PTPRJ: variants seen among roughly 807,000 people sequenced by gnomAD.
PTPRJ encodes the protein receptor-type tyrosine-protein phosphatase eta.
In PTPRJ, 129 loss-of-function variants were observed where a neutral mutation model predicts 141.3. That is an observed-to-expected ratio of 0.91 (90% CI 0.79 to 1.06). The LOEUF is 1.06. Among genes scored for constraint, PTPRJ ranks in the 50% least tolerant of loss-of-function variants. The pLI is 0.00. For synonymous variants in PTPRJ, 610 were observed against 640.5 expected, an observed-to-expected ratio of 0.95 and a Z score of 0.72; for missense variants, 1,601 against 1,679.7, an observed-to-expected ratio of 0.95 and a Z score of 0.82.
Position 48,139,485 on chromosome 11 carries a change from G to T in PTPRJ, c.2153-1G>T. On this transcript the variant is annotated splice_acceptor_variant, in intron 10 of 24. Transcript: ENST00000418331. LOFTEE classifies it high-confidence loss of function. ...CATGCTGTGCTGTACTTGCTTTGCA[G>T]ATCCTGCGTCCATGGCCTCCTTCGA... The T allele has an allele frequency of 1.2e-6, 2 of 1,613,026 alleles. No homozygotes were observed. The highest frequency in any genetic ancestry group is 1.7e-6 in the Non-Finnish European group (2 of 1,179,018).
chr11:48,097,384 T>C (rs1204678954), intron 1 of PTPRJ, among the ~76,000 whole-genome samples: 1 of 152,224 alleles, frequency 6.6e-6, no homozygotes, highest in African/African-American at 2.4e-5. Flanking sequence ...CCTGCTTTTG[T>C]GACTCACCCT....
In PTPRJ at chr11:48,130,549, A is replaced by G; in HGVS notation, c.1448A>G (p.Gln483Arg). The G allele has an allele frequency of 6.2e-7, 1 of 1,614,186 alleles. No homozygotes were observed. The highest frequency in any genetic ancestry group is 8.5e-7 in the Non-Finnish European group (1 of 1,180,036). The change falls in exon 8 of 25, where the codon CAG (glutamine) becomes CGG (arginine). Residue 483 changes from glutamine to arginine, a missense_variant. Transcript: ENST00000418331. ...AWSSHDAESFQMHITQEGAGN... is the reference protein window; with the variant it reads ...AWSSHDAESFRMHITQEGAGN... ...AGCAGCCATGATGCAGAATCATTTC[A>G]GATGCATATCACACAGGAGGGAGCT...
intron 1 of PTPRJ, among the ~76,000 whole-genome samples, chr11:47,989,971 G>A (rs1440239227): frequency 6.6e-6 from 1 of 152,170 alleles, no homozygotes; most frequent in Non-Finnish European, 1.5e-5. Flanking sequence ...GGTAGTTGGA[G>A]AAGCTAAGTG....
Position 48,167,423 on chromosome 11 carries a change from G to T in PTPRJ, c.*61G>T. ...CGTCGCACCCACAGCGAAGGCACAT[G>T]CCCCGATGTCGACATGTTTTTATAT... On this transcript the variant is annotated 3_prime_UTR_variant, in exon 25 of 25. Transcript: ENST00000418331. 6.6e-7 allele frequency: 1 copy of T among 1,526,140 alleles called. No individual in the cohort carries two copies. Among genetic ancestry groups the T allele is most frequent in the Non-Finnish European group, 9.0e-7 (1 of 1,116,170 alleles). 94.5% of individuals were successfully genotyped at this position (1,526,140 alleles called of 1,614,324 possible).
chr11:48,130,649 C>T lies in PTPRJ; in HGVS notation c.1548C>T (p.Cys516=), dbSNP rs1407277121. The part of the protein sequence containing the change: ...IGGLFPGTKY[C]FEIVPKGPNG... ...GCTTGTTCCCTGGAACCAAGTATTG[C>T]TTTGAAATAGTTCCAAAAGGACCAA... is the stretch of plus-strand genomic sequence containing the variant. The change falls in exon 8 of 25, where the codon TGC becomes TGT. Residue 516 remains cysteine, a synonymous_variant. Coordinates refer to ENST00000418331, the MANE Select transcript of PTPRJ (RefSeq NM_002843.4). The T allele has an allele frequency of 1.2e-6, 2 of 1,613,948 alleles. No individual in the cohort carries two copies. The highest frequency in any genetic ancestry group is 1.3e-5 in the African/African-American group (1 of 75,002).
At chr11:48,018,281 G>C (rs1227859919) in intron 1 of PTPRJ, among the ~76,000 whole-genome samples, 3 of 151,272 alleles carry the variant, frequency 2.0e-5, no homozygotes, top group African/African-American at 7.3e-5. Flanking sequence ...CCAATTTGTG[G>C]AGAGTCCATT....
At chr11:48,103,178 T>C (rs1232326382) in intron 1 of PTPRJ, among the ~76,000 whole-genome samples, 1 of 152,184 alleles carries the variant, frequency 6.6e-6, no homozygotes, top group Non-Finnish European at 1.5e-5. Flanking sequence ...GAGCAGTTGC[T>C]CAGGATGGAG....
intron 1 of PTPRJ, among the ~76,000 whole-genome samples, chr11:48,093,299 G>A (rs73466862): frequency 0.013 from 1,981 of 152,332 alleles, 47 homozygotes; most frequent in African/African-American, 0.045. Flanking sequence ...TAAGATGAGA[G>A]TGTAAGTGAG....
At chr11:48,040,600 C>A (rs1854248902) in intron 1 of PTPRJ, among the ~76,000 whole-genome samples, 1 of 146,780 alleles carries the variant, frequency 6.8e-6, no homozygotes, top group African/African-American at 2.7e-5. Flanking sequence ...TTTCTTTCTT[C>A]TTCTTCTTCT....
chr11:48,050,179 G>A (rs1367876497), intron 1 of PTPRJ, among the ~76,000 whole-genome samples: 1 of 152,170 alleles, frequency 6.6e-6, no homozygotes, highest in Non-Finnish European at 1.5e-5. Context: ...GACTGTATGA[G>A]TTTGTTTTTT....
intron 1 of PTPRJ, among the ~76,000 whole-genome samples, chr11:48,050,961 G>A (rs1854550198): frequency 6.6e-6 from 1 of 151,896 alleles, no homozygotes; most frequent in African/African-American, 2.4e-5. Flanking sequence ...CTAGGAAATA[G>A]CTCACTTGCC....
At chr11:48,065,794 CAGAG>C (rs1215638074) in intron 1 of PTPRJ, among the ~76,000 whole-genome samples, 1 of 152,148 alleles carries the variant, frequency 6.6e-6, no homozygotes, top group Non-Finnish European at 1.5e-5. Context: ...GAGAAGAAGG[CAGAG>C]AGAAGTGGAA....
intron 3 of PTPRJ, 79 bp downstream of exon 3, chr11:48,113,062 T>G (rs1816642240): frequency 5.7e-6 from 7 of 1,234,926 alleles, no homozygotes; most frequent in Non-Finnish European, 6.8e-6. Flanking sequence ...TTCCAAATAC[T>G]GTTCTTCTTT....
intron 1 of PTPRJ, among the ~76,000 whole-genome samples, chr11:48,045,927 A>G (rs1413517144): frequency 1.3e-5 from 2 of 152,156 alleles, no homozygotes; most frequent in Non-Finnish European, 2.9e-5. Context: ...TGAAATGGTT[A>G]TTGCAACCAT....
intron 6 of PTPRJ, among the ~76,000 whole-genome samples, chr11:48,126,305 G>A (rs1478217358): frequency 1.3e-5 from 2 of 151,956 alleles, no homozygotes; most frequent in African/African-American, 2.4e-5. Flanking sequence ...TCTTGGTGGT[G>A]TGAATTCACA....
In PTPRJ at chr11:48,158,323, A is replaced by G. The variant is rs1857664007; in HGVS notation, c.3439-1607A>G. Among the ~76,000 whole-genome samples, 1 of 152,232 alleles carries G rather than the reference A, an allele frequency of 6.6e-6. No individual in the cohort carries two copies. The highest frequency in any genetic ancestry group is 2.4e-5 in the African/African-American group (1 of 41,456). ...AATTTAAATGGTCTTTTGTTCATCT[A>G]AAATCAAGATTGAAGTTAGTCTTAG... On this transcript the variant is annotated intron_variant, in intron 21 of 24. Transcript: ENST00000418331. This position sits in a 1 kb window ranked among gnomAD's most constrained non-coding sequence, Gnocchi z 4.4.
At chr11:48,124,518 A>C (rs1221417916) in intron 5 of PTPRJ, among the ~76,000 whole-genome samples, 2 of 152,110 alleles carry the variant, frequency 1.3e-5, no homozygotes, top group Admixed American at 6.5e-5. Flanking sequence ...CCCTCTGCAC[A>C]CTTAAGGAGC....
intron 14 of PTPRJ, among the ~76,000 whole-genome samples, chr11:48,145,597 C>T (rs1286700563): frequency 8.5e-6 from 1 of 118,200 alleles, no homozygotes; most frequent in Non-Finnish European, 1.7e-5. Flanking sequence ...CTTGCTCTGT[C>T]ACCCAGGCTG....
chr11:48,155,799 A>C lies in PTPRJ; in HGVS notation c.3230-2A>C. The C allele has an allele frequency of 1.3e-6, 2 of 1,589,844 alleles. No individual in the cohort carries two copies. The highest frequency in any genetic ancestry group is 1.7e-6 in the Non-Finnish European group (2 of 1,160,284). On this transcript the variant is annotated splice_acceptor_variant, in intron 19 of 24. Transcript: ENST00000418331. LOFTEE classifies it high-confidence loss of function. Reference sequence around the variant, plus strand: ...GGGACCTTTTTTCTTTTAATGTCACAGATGATATTTCCCGTGTCAAACTTT... The same window carrying C: ...GGGACCTTTTTTCTTTTAATGTCACCGATGATATTTCCCGTGTCAAACTTT...
Sources: allele counts gnomAD v4.1 joint callset (sites outside exome capture counted in the v4.1 genomes callset), GRCh38; gene constraint gnomAD v4.1.1; non-coding constraint Gnocchi (gnomAD v3.1); transcripts MANE v1.5; gene names NCBI Gene and HGNC (gene_info 2026-07-23, HGNC 2026-07-21).